Variants in TPX2 observed in about 807,000 individuals in gnomAD.
The protein encoded by TPX2 is targeting protein for Xklp2.
A neutral mutation model predicts 93.6 loss-of-function variants in TPX2; 21 were observed. The ratio of observed to expected loss-of-function variants is 0.22; its 90% confidence interval spans 0.16 to 0.32. The LOEUF (loss-of-function observed/expected upper bound fraction) is 0.32. TPX2 is among the 10% of genes least tolerant of loss of function. The pLI, the probability that TPX2 is intolerant of heterozygous loss-of-function variation, is 1.00. For missense variants in TPX2, 776 were observed against 871.1 expected (o/e 0.89, Z 1.37); for synonymous variants, 281 against 298.3 (o/e 0.94, Z 0.60).
chr20:31,791,896 G>A (rs1049821379), intron 12 of TPX2, among the ~76,000 whole-genome samples: 3 of 152,182 alleles, frequency 2.0e-5, no homozygotes, highest in African/African-American at 2.4e-5. Context: ...TTTGCAGTTA[G>A]GATTAATTGC....
chr20:31,742,182 T>C (rs1265774867), intron 1 of TPX2, among the ~76,000 whole-genome samples: 2 of 150,762 alleles, frequency 1.3e-5, no homozygotes. Flanking sequence ...CTCTTTTTTT[T>C]TTTTTTTTTT....
intron 7 of TPX2, among the ~76,000 whole-genome samples, chr20:31,773,782 A>G (rs772085894): frequency 1.3e-5 from 2 of 152,202 alleles, no homozygotes; most frequent in Non-Finnish European, 2.9e-5. Flanking sequence ...GTTATGATTC[A>G]TGACTACAAT....
rs1020871690 is a variant in TPX2, at chr20:31,739,394, C to G, written c.-405C>G. On this transcript the variant is annotated 5_prime_UTR_variant, in exon 1 of 18. Transcript: ENST00000300403. ...GGGAGCAGCTAGGGCGCGGGTCTCC[C>G]TCCTCCCGGAGTTTGGAACGGCTGA... 4.6e-5 allele frequency: 7 copies of G among 152,264 alleles called. No individual in the cohort carries two copies. Among genetic ancestry groups the G allele is most frequent in the African/African-American group, 1.7e-4 (7 of 41,470 alleles). 9.4% of individuals were successfully genotyped at this position (152,264 alleles called of 1,614,324 possible). A position where few individuals can be genotyped will look rare whatever the true frequency, so the allele number is the denominator to read the frequency against.
chr20:31,792,819 A>G lies in TPX2; in HGVS notation c.1498A>G (p.Lys500Glu), dbSNP rs577777824. Residue 500 changes from lysine (K) to glutamate (E), a missense_variant, in exon 13 of 18, where the codon AAA (lysine) becomes GAA (glutamate). This residue lies in a region of TPX2 where 461 missense variants were observed against 551.2 expected (regional missense o/e 0.84). Transcript: ENST00000300403. ...GAAGAACAGAATTCGAATGCCCACC[A>G]AAGAAGATGAGGTGATTCCCTGGGA... The part of the protein sequence containing the change: ...ALKNRIRMPT[K>E]EDEEEDEPVV... The G allele has an allele frequency of 6.2e-6, 10 of 1,614,124 alleles. No individual in the cohort carries two copies. The South Asian group carries it at 8.8e-5, about 14-fold the overall frequency.
At chr20:31,754,528 G>A (rs1234775552) in intron 2 of TPX2, among the ~76,000 whole-genome samples, 9 of 152,180 alleles carry the variant, frequency 5.9e-5, no homozygotes, top group Non-Finnish European at 1.5e-5. Flanking sequence ...GAAAATGAGT[G>A]CTGCAGTGCC....
intron 10 of TPX2, among the ~76,000 whole-genome samples, chr20:31,780,469 A>G (rs2024757843): frequency 1.3e-5 from 2 of 152,212 alleles, no homozygotes; most frequent in Admixed American, 1.3e-4. Context: ...TTTAAATATT[A>G]AGCATAACTT....
intron 2 of TPX2, among the ~76,000 whole-genome samples, chr20:31,752,483 G>A (rs2061825841): frequency 6.6e-6 from 1 of 152,182 alleles, no homozygotes; most frequent in African/African-American, 2.4e-5. Flanking sequence ...CTTCAGCCAT[G>A]TTAATTTCTA....
intron 2 of TPX2, among the ~76,000 whole-genome samples, chr20:31,742,977 G>A (rs1264249604): frequency 1.3e-5 from 2 of 152,176 alleles, no homozygotes; most frequent in Non-Finnish European, 2.9e-5. Context: ...CACTTTGGGA[G>A]GCTGAGGCAG....
intron 3 of TPX2, among the ~76,000 whole-genome samples, chr20:31,759,565 A>G (rs1452033686): frequency 6.6e-6 from 1 of 151,918 alleles, no homozygotes; most frequent in Non-Finnish European, 1.5e-5. Flanking sequence ...ACGCCTGGCT[A>G]ATTTTTTGTA....
intron 10 of TPX2, among the ~76,000 whole-genome samples, chr20:31,779,494 T>A (rs1050358108): frequency 4.6e-5 from 7 of 152,238 alleles, no homozygotes; most frequent in African/African-American, 1.7e-4. Context: ...CAAAAGCCTT[T>A]ACCATAATTT....
Position 31,777,623 on chromosome 20 carries a change from G to C in TPX2, c.867G>C (p.Lys289Asn). 9.3e-6 allele frequency: 15 copies of C among 1,613,708 alleles called. No homozygotes were observed. Among genetic ancestry groups the C allele is most frequent in the Non-Finnish European group, 1.3e-5 (15 of 1,179,808 alleles). ...KEVNFTSELR[K>N]HPSSPARVTK... ...TGAACTTTACATCTGAACTACGAAA[G>C]CATCCTTCATCTCCTGTAAGTTGAT... Residue 289 changes from lysine to asparagine, a missense_variant, in exon 9 of 18, where the codon AAG becomes AAC. Lys to Asn is a moderately conservative substitution (Grantham distance 94). Around this residue, in one of 3 missense-constraint regions of TPX2, gnomAD observed 461 missense variants for 551.2 expected, o/e 0.84. Coordinates refer to ENST00000300403, the MANE Select transcript of TPX2 (RefSeq NM_012112.5).
At position 31,800,904 on chromosome 20, in the gene TPX2, AT is replaced by A. The variant is rs1030914134; in HGVS notation, c.2134-65del. ...CAAACATTTTCTCAAAAAGAAAAAA[AT>A]AAAAGCAATTATAAGCGTAGTTCTC... On this transcript the variant is annotated intron_variant, in intron 17 of 17. Coordinates refer to ENST00000300403, the MANE Select transcript of TPX2 (RefSeq NM_012112.5). 2.3e-6 allele frequency: 3 copies of A among 1,325,138 alleles called. No individual in the cohort carries two copies. The African/African-American group carries it at 4.4e-5, about 19-fold the overall frequency. The allele number at this position is 1,325,138 out of a possible 1,614,324, so 82.1% of individuals were successfully genotyped here.
Position 31,798,613 on chromosome 20 carries a change from C to T in TPX2, c.2133+61C>T, listed in dbSNP as rs6060956. The T allele has an allele frequency of 2.0e-6, 3 of 1,491,906 alleles. No homozygotes were observed. In the South Asian group the frequency reaches 4.1e-5, roughly 21 times the overall value. 92.4% of individuals were successfully genotyped at this position (1,491,906 alleles called of 1,614,324 possible). On this transcript the variant is annotated intron_variant, in intron 17 of 17. Coordinates refer to ENST00000300403, the MANE Select transcript of TPX2 (RefSeq NM_012112.5). ...TGCCTCTGTTTTATTTTACCTGTAC[C>T]TTACCTTGTACCAGACAGGATCTAA...
chr20:31,744,535 G>GT (rs1054724191), intron 2 of TPX2, among the ~76,000 whole-genome samples: 11 of 150,446 alleles, frequency 7.3e-5, no homozygotes, highest in South Asian at 4.2e-4. Context: ...TTTCTTTTTT[G>GT]TTTTTTTTGA....
chr20:31,787,992 C>G (rs1017689648), intron 12 of TPX2, among the ~76,000 whole-genome samples: 1 of 152,108 alleles, frequency 6.6e-6, no homozygotes, highest in African/African-American at 2.4e-5. Flanking sequence ...GAATGGGAGG[C>G]AGGTTTGCAT....
chr20:31,780,945 G>C, intron 10 of TPX2: 1 of 406,308 alleles, frequency 2.5e-6, no homozygotes, highest in South Asian at 1.8e-5. Flanking sequence ...TTAGAGACAG[G>C]GTCTTGCTCC....
chr20:31,794,686 A>G, intron 15 of TPX2, 138 bp downstream of exon 15: 2 of 1,120,080 alleles, frequency 1.8e-6, no homozygotes, highest in Non-Finnish European at 2.5e-6. Context: ...GGGTCAGCAC[A>G]TTATTTCTGT....
At chr20:31,789,336 G>A (rs963701665) in intron 12 of TPX2, among the ~76,000 whole-genome samples, 5 of 152,052 alleles carry the variant, frequency 3.3e-5, no homozygotes, top group African/African-American at 4.8e-5. Flanking sequence ...CTCTGATATC[G>A]GATAACTGAG....
At chr20:31,771,478 C>T (rs2061963937) in intron 6 of TPX2, 82 bp from the exon 7 acceptor site, 1 of 1,503,712 alleles carries the variant, frequency 6.7e-7, no homozygotes, top group Non-Finnish European at 8.9e-7. Context: ...AAATTTAATC[C>T]ATATGCAGTA....
Sources: allele counts gnomAD v4.1 joint callset (sites outside exome capture counted in the v4.1 genomes callset), GRCh38; gene constraint gnomAD v4.1.1; regional missense constraint gnomAD v4.1.1; transcripts MANE v1.5; gene names NCBI Gene and HGNC (gene_info 2026-07-23, HGNC 2026-07-21).